The following NRXN3 variants were observed in gnomAD, a reference collection of about 807,000 sequenced individuals.
NRXN3 encodes neurexin III.
In NRXN3, 32 loss-of-function variants were observed where a neutral mutation model predicts 137.6. The observed-to-expected ratio is 0.23, with a 90% CI of 0.18 to 0.31. The LOEUF is 0.31. Among genes scored for constraint, NRXN3 ranks in the 10% least tolerant of loss-of-function variants. The pLI is 1.00. For synonymous variants in NRXN3, 798 were observed against 784.5 expected, an observed-to-expected ratio of 1.02 and a Z score of -0.29; for missense variants, 1,574 against 2,062.5, an observed-to-expected ratio of 0.76 and a Z score of 4.59.
At chr14:79,440,242 A>C (rs2153567654) in intron 15 of NRXN3, among the ~76,000 whole-genome samples, 1 of 152,336 alleles carries the variant, frequency 6.6e-6, no homozygotes, top group African/African-American at 2.4e-5. Context: ...CAAGGCAGAA[A>C]GTGATTTGAA....
chr14:79,264,915 T>C (rs910453049), intron 15 of NRXN3, among the ~76,000 whole-genome samples: 64 of 152,260 alleles, frequency 4.2e-4, no homozygotes, highest in African/African-American at 1.5e-3. Flanking sequence ...AAGGGGAAAC[T>C]GTTACAGAGG....
chr14:78,506,892 T>A (rs2096005716), intron 4 of NRXN3, among the ~76,000 whole-genome samples: 1 of 152,104 alleles, frequency 6.6e-6, no homozygotes, highest in Admixed American at 6.6e-5. Context: ...TCATCTTGTA[T>A]ATAATTGTAG....
intron 7 of NRXN3, among the ~76,000 whole-genome samples, chr14:78,710,582 T>A (rs1190608188): frequency 6.6e-6 from 1 of 152,246 alleles, no homozygotes; most frequent in African/African-American, 2.4e-5. Flanking sequence ...TGGCTTCATG[T>A]GCCATATTTA....
intron 3 of NRXN3, among the ~76,000 whole-genome samples, chr14:78,292,083 A>G (rs1046756900): frequency 1.6e-4 from 25 of 152,212 alleles, no homozygotes; most frequent in African/African-American, 6.0e-4. Flanking sequence ...GAGGCCTTCA[A>G]CTTCTGGCCT....
intron 17 of NRXN3, among the ~76,000 whole-genome samples, chr14:79,675,872 G>A (rs111399380): frequency 8.8e-4 from 134 of 152,080 alleles, no homozygotes; most frequent in Middle Eastern, 3.4e-3. Flanking sequence ...TTAATAAGCC[G>A]TGGTGATTTA....
At chr14:78,346,493 G>GTGGAA (rs2082750400) in intron 4 of NRXN3, among the ~76,000 whole-genome samples, 1 of 152,188 alleles carries the variant, frequency 6.6e-6, no homozygotes. Flanking sequence ...CAGTGGCCCT[G>GTGGAA]TGGAATAGGG....
chr14:79,095,087 G>T (rs1298274995), intron 15 of NRXN3, among the ~76,000 whole-genome samples: 1 of 151,692 alleles, frequency 6.6e-6, no homozygotes, highest in East Asian at 1.9e-4. Flanking sequence ...AGCATTCAGA[G>T]ATTAGGAGTA....
At chr14:79,742,381 C>G (rs2098966044) in intron 19 of NRXN3, among the ~76,000 whole-genome samples, 1 of 152,086 alleles carries the variant, frequency 6.6e-6, no homozygotes, top group South Asian at 2.1e-4. Context: ...ATAATTAACT[C>G]CTTGTACTGA....
intron 1 of NRXN3, among the ~76,000 whole-genome samples, chr14:78,213,118 A>G (rs1019691548): frequency 4.6e-5 from 7 of 152,180 alleles, no homozygotes; most frequent in African/African-American, 1.7e-4. Context: ...TTGGAAACAA[A>G]TAGTTCTTGA....
intron 1 of NRXN3, among the ~76,000 whole-genome samples, chr14:78,192,107 T>TGTGAGA (rs796435942): frequency 3.0e-4 from 42 of 140,520 alleles, no homozygotes; most frequent in African/African-American, 6.5e-4. Context: ...TGTGTGTGTG[T>TGTGAGA]GAGAGAGAGA....
intron 15 of NRXN3, among the ~76,000 whole-genome samples, chr14:79,060,305 T>C (rs1568149785): frequency 6.6e-6 from 1 of 152,230 alleles, no homozygotes; most frequent in Admixed American, 6.5e-5. Flanking sequence ...TCATTGCATT[T>C]AAGCTTCTTT....
chr14:78,568,464 G>A (rs950466952), intron 4 of NRXN3, among the ~76,000 whole-genome samples: 1 of 152,132 alleles, frequency 6.6e-6, no homozygotes, highest in Non-Finnish European at 1.5e-5. Context: ...CCAGTTTATG[G>A]CATTTTGTTG....
At chr14:79,665,719 G>A (rs2098554271) in intron 17 of NRXN3, among the ~76,000 whole-genome samples, 1 of 152,130 alleles carries the variant, frequency 6.6e-6, no homozygotes, top group South Asian at 2.1e-4. Flanking sequence ...CCAGCAATGA[G>A]CAGGCTCTTT....
intron 16 of NRXN3, among the ~76,000 whole-genome samples, chr14:79,563,227 C>G (rs945148234): frequency 6.6e-6 from 1 of 151,886 alleles, no homozygotes; most frequent in African/African-American, 2.4e-5. Flanking sequence ...TGTATTATTC[C>G]CATTTCATGA....
chr14:79,703,302 G>A (rs1482527068), intron 19 of NRXN3, among the ~76,000 whole-genome samples: 3 of 152,152 alleles, frequency 2.0e-5, no homozygotes, highest in Non-Finnish European at 4.4e-5. Flanking sequence ...ACAGTAAGAA[G>A]CATGCTTCAG....
intron 15 of NRXN3, among the ~76,000 whole-genome samples, chr14:79,209,021 C>A (rs575848770): frequency 5.9e-5 from 9 of 152,286 alleles, no homozygotes; most frequent in Non-Finnish European, 1.3e-4. Context: ...TCACTGCAAC[C>A]TCCACCTCTT....
intron 4 of NRXN3, among the ~76,000 whole-genome samples, chr14:78,411,809 T>C (rs2092845584): frequency 6.6e-6 from 1 of 152,212 alleles, no homozygotes; most frequent in Middle Eastern, 3.2e-3. Flanking sequence ...GGGTTGACCC[T>C]GTTTTCATGC....
rs901098446 is a variant in NRXN3, at chr14:79,796,007, G to A, written c.4015-9105G>A. On this transcript the variant is annotated intron_variant, in intron 19 of 20. Transcript: ENST00000335750. ...CTTCAGTTAAATTTCCCTTATAATG[G>A]TTAGACCCTAAATACTCAAAATGAG... 2.0e-5 allele frequency among the ~76,000 whole-genome samples: 3 copies of A among 152,100 alleles called. No homozygotes were observed. The East Asian group carries it at 5.8e-4, about 29-fold the overall frequency.
chr14:78,230,655 A>G (rs987143705), intron 1 of NRXN3, among the ~76,000 whole-genome samples: 42 of 152,264 alleles, frequency 2.8e-4, no homozygotes, highest in African/African-American at 9.6e-4. Flanking sequence ...GGGAAAAGAA[A>G]TTGCAAAGAC....
Sources: gnomAD v4.1 joint callset for allele counts (sites outside exome capture counted in the v4.1 genomes callset) on GRCh38, gnomAD v4.1.1 for gene constraint, MANE v1.5 for transcripts, NCBI Gene and HGNC (gene_info 2026-07-23, HGNC 2026-07-21) for gene names.